Variants in RALGAPB observed in about 807,000 individuals in gnomAD.
RALGAPB encodes Ral GTPase activating protein non-catalytic subunit beta.
A neutral mutation model predicts 161.1 loss-of-function variants in RALGAPB; 25 were observed. The observed-to-expected ratio is 0.16, with a 90% CI of 0.11 to 0.22. The LOEUF is 0.22. Ranked by LOEUF, RALGAPB falls within the 10% of genes least tolerant of loss-of-function variation. The pLI is 1.00. For synonymous variants in RALGAPB, 629 were observed against 626.1 expected (o/e 1.00, Z -0.07); for missense variants, 1,391 against 1,815.2 (o/e 0.77, Z 4.25).
chr20:38,497,621 T>C, intron 4 of RALGAPB, 105 bp downstream of exon 4: 1 of 1,253,984 alleles, frequency 8.0e-7, no homozygotes, highest in South Asian at 1.5e-5. Context: ...TTTGGCATGA[T>C]GGTTTACAAA....
At position 38,565,368 on chromosome 20, in the gene RALGAPB, C is replaced by T. The variant is rs747715098; in HGVS notation, c.3707C>T (p.Ser1236Phe). ...DGEGSQQEVI[S>F]SEDIGASIFN... ...TTCTTTTTCCCAGAAGAAGTGATTTCCTCTGAAGATATTGGAGCTAGCATT... is the reference window on the plus strand; with the variant it reads ...TTCTTTTTCCCAGAAGAAGTGATTTTCTCTGAAGATATTGGAGCTAGCATT... The change falls in exon 25 of 30, where the codon TCC becomes TTC. Residue 1236 changes from serine to phenylalanine, a missense_variant. This residue lies in a region of RALGAPB where 436 missense variants were observed against 527.0 expected (regional missense o/e 0.83). Coordinates refer to ENST00000262879, the MANE Select transcript of RALGAPB (RefSeq NM_020336.4). 2.2e-5 allele frequency: 35 copies of T among 1,613,328 alleles called. No homozygotes were observed. The highest frequency in any genetic ancestry group is 1.7e-4 in the Admixed American group (10 of 59,996).
chr20:38,533,401 C>T (rs949919771), intron 15 of RALGAPB, among the ~76,000 whole-genome samples: 3 of 152,174 alleles, frequency 2.0e-5, no homozygotes, highest in Non-Finnish European at 4.4e-5. Flanking sequence ...AAGGTTGTCC[C>T]CTACCTTGGG....
At chr20:38,574,354 A>C in intron 29 of RALGAPB, 56 bp downstream of exon 29, 1 of 1,514,500 alleles carries the variant, frequency 6.6e-7, no homozygotes, top group Non-Finnish European at 8.9e-7. Context: ...TATCATTTTT[A>C]TAAACCAAAA....
chr20:38,562,846 T>TG, intron 24 of RALGAPB, 149 bp downstream of exon 24: 1 of 809,266 alleles, frequency 1.2e-6, no homozygotes, highest in Non-Finnish European at 1.8e-6. Context: ...GAAGCCAAGG[T>TG]GGGAGGATCG....
chr20:38,553,142 G>T (rs1470511368), intron 21 of RALGAPB, among the ~76,000 whole-genome samples: 1 of 152,170 alleles, frequency 6.6e-6, no homozygotes, highest in African/African-American at 2.4e-5. Context: ...CAGACTTACA[G>T]CCCTGGAAAG....
At chr20:38,564,830 C>T (rs544141461) in intron 24 of RALGAPB, among the ~76,000 whole-genome samples, 2 of 151,984 alleles carry the variant, frequency 1.3e-5, no homozygotes, top group Non-Finnish European at 2.9e-5. Context: ...TGTGCACTCT[C>T]TCTCTTCTCT....
chr20:38,473,154 G>A (rs1169434240), intron 1 of RALGAPB, 85 bp downstream of exon 1: 5 of 327,850 alleles, frequency 1.5e-5, no homozygotes, highest in African/African-American at 8.7e-5. Context: ...GGACGGCTGA[G>A]GCTTGTTTCT....
intron 16 of RALGAPB, among the ~76,000 whole-genome samples, chr20:38,537,398 G>A (rs558656804): frequency 6.6e-6 from 1 of 152,116 alleles, no homozygotes; most frequent in Non-Finnish European, 1.5e-5. Flanking sequence ...CAGCACTTTG[G>A]GAGGCTGAGG....
In RALGAPB at chr20:38,499,552, C is replaced by T; in HGVS notation, c.659C>T (p.Ala220Val). 1 of 1,613,836 alleles carries T rather than the reference C, an allele frequency of 6.2e-7. No individual in the cohort carries two copies. The highest frequency in any genetic ancestry group is 8.5e-7 in the Non-Finnish European group (1 of 1,179,926). The change falls in exon 5 of 30, where the codon GCC (alanine) becomes GTC (valine). Residue 220 changes from alanine (A) to valine (V), a missense_variant. Physicochemically the swap from Ala to Val is moderately conservative, Grantham distance 64 (BLOSUM62 0). This residue lies in a region of RALGAPB where 946 missense variants were observed against 1,257.2 expected (regional missense o/e 0.75). Coordinates refer to ENST00000262879, the MANE Select transcript of RALGAPB (RefSeq NM_020336.4). ...CCAACACCTCCTTATTGGAAAACAG[C>T]CAAGGAGATGGTGGCTAACTGGAGG... Reference protein sequence around the residue: ...CFPTPPYWKTAKEMVANWRHH... With the variant: ...CFPTPPYWKTVKEMVANWRHH...
rs546662483 is a variant in RALGAPB at position 38,542,789 on chromosome 20, C to T, written c.2714+1597C>T. On this transcript the variant is annotated intron_variant, in intron 18 of 29. Coordinates refer to ENST00000262879, the MANE Select transcript of RALGAPB (RefSeq NM_020336.4). ...ACTCAGGAGGCTGAGGCAGGAGAATCGCTTGAACCCAGGACACGGAGGTTG... is the reference window on the plus strand; with the variant it reads ...ACTCAGGAGGCTGAGGCAGGAGAATTGCTTGAACCCAGGACACGGAGGTTG... Among the ~76,000 whole-genome samples, 22 of 151,942 alleles carry T rather than the reference C, an allele frequency of 1.4e-4. No individual in the cohort carries two copies. The South Asian group carries it at 3.1e-3, about 22-fold the overall frequency.
At chr20:38,506,215 G>C (rs762051143) in intron 5 of RALGAPB, among the ~76,000 whole-genome samples, 10 of 152,066 alleles carry the variant, frequency 6.6e-5, no homozygotes, top group Non-Finnish European at 8.8e-5. Flanking sequence ...TTGAGCATCC[G>C]TGGATTTTGG....
chr20:38,570,961 CA>C, intron 28 of RALGAPB, 114 bp downstream of exon 28: 6 of 652,444 alleles, frequency 9.2e-6, no homozygotes, highest in Middle Eastern at 5.7e-4. Context: ...GAAATAAAAA[CA>C]AAAAAGATCA....
At chr20:38,500,173 C>A (rs1000014901) in intron 5 of RALGAPB, among the ~76,000 whole-genome samples, 4 of 151,412 alleles carry the variant, frequency 2.6e-5, no homozygotes, top group African/African-American at 9.7e-5. Context: ...TCATTTCAAT[C>A]GTGATTTTAA....
intron 4 of RALGAPB, 95 bp from the exon 5 acceptor site, chr20:38,499,352 T>C: frequency 3.5e-6 from 4 of 1,131,986 alleles, no homozygotes; most frequent in Middle Eastern, 2.1e-4. Flanking sequence ...ATTGCACTTA[T>C]TTTAATTTTT....
At chr20:38,494,836 A>G (rs1279338425) in intron 3 of RALGAPB, among the ~76,000 whole-genome samples, 1 of 152,190 alleles carries the variant, frequency 6.6e-6, no homozygotes, top group Non-Finnish European at 1.5e-5. Context: ...TAAGCCTACT[A>G]CCTTTCAGTG....
At chr20:38,518,812 A>G (rs1224356374) in intron 9 of RALGAPB, among the ~76,000 whole-genome samples, 1 of 152,202 alleles carries the variant, frequency 6.6e-6, no homozygotes, top group Non-Finnish European at 1.5e-5. Context: ...TTGTTTGGTA[A>G]GAAACCACTC....
chr20:38,494,664 CG>C (rs2085369853), intron 3 of RALGAPB, among the ~76,000 whole-genome samples: 1 of 152,058 alleles, frequency 6.6e-6, no homozygotes, highest in Admixed American at 6.6e-5. Context: ...AAACAGGAAA[CG>C]GTTGGGAGTA....
At chr20:38,494,517 G>C (rs1419688857) in intron 3 of RALGAPB, among the ~76,000 whole-genome samples, 1 of 151,932 alleles carries the variant, frequency 6.6e-6, no homozygotes. Flanking sequence ...TATAATCCCA[G>C]CTACATGGGA....
intron 1 of RALGAPB, among the ~76,000 whole-genome samples, chr20:38,476,074 A>G (rs1227471432): frequency 1.3e-5 from 2 of 152,204 alleles, no homozygotes; most frequent in Non-Finnish European, 2.9e-5. Flanking sequence ...GTCTGATCAG[A>G]TAGGGACACA....
Sources: gnomAD v4.1 joint callset for allele counts (sites outside exome capture counted in the v4.1 genomes callset) on GRCh38, gnomAD v4.1.1 for gene constraint, gnomAD v4.1.1 regional missense constraint, MANE v1.5 for transcripts, NCBI Gene and HGNC (gene_info 2026-07-23, HGNC 2026-07-21) for gene names.